Variants in TMEM51 observed in about 807,000 individuals in gnomAD.
TMEM51 encodes transmembrane protein 51.
TMEM51 carries 8 observed loss-of-function variants against 13.6 expected under a neutral mutation model. That is an observed-to-expected ratio of 0.59 (90% CI 0.35 to 1.07). The LOEUF (loss-of-function observed/expected upper bound fraction) is 1.07. TMEM51 is among the 50% of genes least tolerant of loss of function. The pLI is 0.02. For missense variants in TMEM51, 279 were observed against 330.7 expected (o/e 0.84, Z 1.21); for synonymous variants, 147 against 144.4 (o/e 1.02, Z -0.13).
intron 1 of TMEM51, among the ~76,000 whole-genome samples, chr1:15,180,019 T>C (rs1250896255): frequency 1.3e-5 from 2 of 152,128 alleles, no homozygotes; most frequent in African/African-American, 2.4e-5. Flanking sequence ...CTTAAGTAAA[T>C]AAATAAGTAA....
At chr1:15,214,632 G>A (rs752673375) in intron 2 of TMEM51, among the ~76,000 whole-genome samples, 4 of 152,168 alleles carry the variant, frequency 2.6e-5, no homozygotes, top group Non-Finnish European at 4.4e-5. Flanking sequence ...CCTGAGCTCC[G>A]ACCTTTCTGG....
upstream of TMEM51, chr1:15,152,600 G>T (rs1356335622): frequency 6.6e-6 from 1 of 152,394 alleles, no homozygotes; most frequent in Non-Finnish European, 1.5e-5. Flanking sequence ...AGGGGACCCC[G>T]GCCTGACCTC....
At chr1:15,191,765 C>A (rs967104396) in intron 1 of TMEM51, 2 of 297,180 alleles carry the variant, frequency 6.7e-6, no homozygotes, top group Non-Finnish European at 1.4e-5. Context: ...TTGAAGTTTG[C>A]AAATCTTTTT....
rs187707026 is a variant in TMEM51, at chr1:15,189,144, A to G, written c.-266-21346A>G. Among the ~76,000 whole-genome samples the G allele has an allele frequency of 3.6e-4, 53 of 148,176 alleles. No individual in the cohort carries two copies. The East Asian group carries it at 9.8e-3, about 27-fold the overall frequency. On this transcript the variant is annotated intron_variant, in intron 1 of 3. Coordinates refer to ENST00000376008, the MANE Select transcript of TMEM51 (RefSeq NM_001136218.2). ...CAACCTCCACCTCCCAGGTTAAGGG[A>G]TTCTCCCACCTCAGCCTCCCGAGCA...
At chr1:15,202,168 T>A (rs1332442176) in intron 1 of TMEM51, among the ~76,000 whole-genome samples, 1 of 152,136 alleles carries the variant, frequency 6.6e-6, no homozygotes, top group South Asian at 2.1e-4. Flanking sequence ...AAATGTAAAC[T>A]TGGTAGAGGA....
chr1:15,214,335 G>A (rs939091628), intron 2 of TMEM51, among the ~76,000 whole-genome samples: 2 of 152,176 alleles, frequency 1.3e-5, no homozygotes, highest in African/African-American at 2.4e-5. Flanking sequence ...GGCAGGCTGA[G>A]ACATGCAGTA....
chr1:15,199,210 G>A (rs892616798), intron 1 of TMEM51, among the ~76,000 whole-genome samples: 6 of 150,984 alleles, frequency 4.0e-5, no homozygotes, highest in African/African-American at 1.5e-4. Context: ...TCAGCTCACT[G>A]CAACCTCCGC....
intron 1 of TMEM51, among the ~76,000 whole-genome samples, chr1:15,157,904 G>A (rs534363354): frequency 3.3e-4 from 51 of 152,294 alleles, no homozygotes; most frequent in African/African-American, 1.2e-3. Context: ...TTAATATGGT[G>A]GCGTTTTATT....
chr1:15,199,918 G>A (rs1479788260), intron 1 of TMEM51, among the ~76,000 whole-genome samples: 1 of 152,178 alleles, frequency 6.6e-6, no homozygotes, highest in African/African-American at 2.4e-5. Context: ...GCTGCTGGGA[G>A]ATGATGTGTG....
intron 1 of TMEM51, among the ~76,000 whole-genome samples, chr1:15,165,931 A>C (rs1465627641): frequency 6.6e-6 from 1 of 152,028 alleles, no homozygotes. Context: ...GTGAGATTTC[A>C]TCTCAAAAAA....
upstream of TMEM51, among the ~76,000 whole-genome samples, chr1:15,153,221 C>A (rs1489717444): frequency 1.6e-5 from 1 of 63,410 alleles, no homozygotes; most frequent in Non-Finnish European, 3.8e-5. Context: ...GCGGTGGCCT[C>A]CCCAGGAAGG....
intron 1 of TMEM51, among the ~76,000 whole-genome samples, chr1:15,169,000 G>C (rs1036882740): frequency 6.6e-6 from 1 of 152,158 alleles, no homozygotes; most frequent in African/African-American, 2.4e-5. Context: ...TACATACAGT[G>C]CAAACTACCC....
intron 1 of TMEM51, among the ~76,000 whole-genome samples, chr1:15,174,331 C>T (rs1643389147): frequency 6.6e-6 from 1 of 152,168 alleles, no homozygotes; most frequent in Non-Finnish European, 1.5e-5. Context: ...CAGCCTCCAC[C>T]TCCTGGACTC....
chr1:15,211,027 C>T (rs1644331029), intron 2 of TMEM51, among the ~76,000 whole-genome samples: 1 of 152,146 alleles, frequency 6.6e-6, no homozygotes. Flanking sequence ...AAAACCAAAA[C>T]TATTTTATGA....
intron 1 of TMEM51, among the ~76,000 whole-genome samples, chr1:15,182,905 G>A (rs537476581): frequency 2.3e-4 from 35 of 152,324 alleles, no homozygotes; most frequent in Non-Finnish European, 4.7e-4. Flanking sequence ...TGGGATTGCA[G>A]GCACCTGCCA....
intron 1 of TMEM51, among the ~76,000 whole-genome samples, chr1:15,180,705 G>A (rs887954749): frequency 6.6e-6 from 1 of 152,182 alleles, no homozygotes; most frequent in African/African-American, 2.4e-5. Flanking sequence ...GTAAAACGAA[G>A]ACAGTGGCCG....
At chr1:15,154,819 A>C (rs1217879586) in intron 1 of TMEM51, among the ~76,000 whole-genome samples, 2 of 146,406 alleles carry the variant, frequency 1.4e-5, no homozygotes, top group Non-Finnish European at 3.0e-5. Context: ...GTGACGGTGC[A>C]TGGGACTGCG....
At chr1:15,162,506 A>G (rs1312570633) in intron 1 of TMEM51, among the ~76,000 whole-genome samples, 1 of 152,088 alleles carries the variant, frequency 6.6e-6, no homozygotes, top group Non-Finnish European at 1.5e-5. Flanking sequence ...ACCAATATCC[A>G]AACTATATCA....
At chr1:15,155,815 T>C (rs1642572087) in intron 1 of TMEM51, among the ~76,000 whole-genome samples, 1 of 152,158 alleles carries the variant, frequency 6.6e-6, no homozygotes, top group Admixed American at 6.5e-5. Flanking sequence ...GGCCAGGCGC[T>C]GTTCTAGGTG....
Sources: gnomAD v4.1 joint callset for allele counts (sites outside exome capture counted in the v4.1 genomes callset) on GRCh38, gnomAD v4.1.1 for gene constraint, MANE v1.5 for transcripts, NCBI Gene and HGNC (gene_info 2026-07-23, HGNC 2026-07-21) for gene names.